CCDC77: variants seen among roughly 807,000 people sequenced by gnomAD.
CCDC77 encodes the protein coiled-coil domain containing 77.
A neutral mutation model predicts 66.8 loss-of-function variants in CCDC77; 56 were observed. The ratio of observed to expected loss-of-function variants is 0.84; its 90% CI spans 0.68 to 1.05. CCDC77 has a LOEUF of 1.05. Ranked by LOEUF, CCDC77 falls within the 50% of genes least tolerant of loss-of-function variation. CCDC77 has a pLI of 0.00. For missense variants in CCDC77, 570 were observed against 576.8 expected (o/e 0.99, Z 0.12); for synonymous variants, 196 against 195.2 (o/e 1.00, Z -0.03).
chr12:390,267 A>G (rs1460618680), intron 1 of CCDC77: 1 of 152,104 alleles, frequency 6.6e-6, no homozygotes, highest in African/African-American at 2.4e-5. Flanking sequence ...TCTCCTCTCA[A>G]ATCCCTCTCC....
intron 5 of CCDC77, among the ~76,000 whole-genome samples, chr12:427,426 A>G (rs1355658382): frequency 6.6e-6 from 1 of 150,978 alleles, no homozygotes; most frequent in Non-Finnish European, 1.5e-5. Flanking sequence ...CCATCTCCAT[A>G]TCAAGTCGCT....
intron 6 of CCDC77, among the ~76,000 whole-genome samples, chr12:430,148 C>G (rs543453248): frequency 2.4e-4 from 36 of 152,066 alleles, no homozygotes; most frequent in Non-Finnish European, 1.9e-4. Flanking sequence ...CATGTGCCAC[C>G]ACGCCTGGCT....
upstream of CCDC77, among the ~76,000 whole-genome samples, chr12:398,402 A>G (rs1423804221): frequency 6.6e-6 from 1 of 151,644 alleles, no homozygotes; most frequent in East Asian, 1.9e-4. Context: ...CCATAGTTTC[A>G]TCATGAGATT....
At chr12:416,365 GTGTGTGTGTGTGTA>G (rs1945270208) in intron 4 of CCDC77, among the ~76,000 whole-genome samples, 21 of 38,900 alleles carry the variant, frequency 5.4e-4, no homozygotes, top group South Asian at 1.1e-3. Context: ...GTGTGTGTGT[GTGTGTGTGTGTGTA>G]TATATATATA....
intron 4 of CCDC77, among the ~76,000 whole-genome samples, chr12:412,530 C>T (rs907178926): frequency 2.0e-5 from 3 of 152,156 alleles, no homozygotes; most frequent in South Asian, 2.1e-4. Flanking sequence ...TTGTCCTGTG[C>T]GTGATGGGAT....
At chr12:439,640 C>T (rs1945824379) in intron 10 of CCDC77, among the ~76,000 whole-genome samples, 1 of 151,444 alleles carries the variant, frequency 6.6e-6, no homozygotes, top group Non-Finnish European at 1.5e-5. Context: ...AATAGCCAGG[C>T]GTGGTGGCGG....
intron 1 of CCDC77, among the ~76,000 whole-genome samples, chr12:394,334 T>G (rs180690340): frequency 6.6e-6 from 1 of 152,332 alleles, no homozygotes; most frequent in African/African-American, 2.4e-5. Context: ...AGGTCCAGAT[T>G]TATCACAGTT....
At chr12:434,421 C>T (rs911722056) in intron 9 of CCDC77, among the ~76,000 whole-genome samples, 17 of 151,626 alleles carry the variant, frequency 1.1e-4, no homozygotes, top group African/African-American at 3.6e-4. Flanking sequence ...GGCGTGATCC[C>T]GGTTCCCTGC....
At chr12:400,144 T>C (rs1413522313), upstream of CCDC77, among the ~76,000 whole-genome samples, 1 of 152,250 alleles carries the variant, frequency 6.6e-6, no homozygotes, top group African/African-American at 2.4e-5. Context: ...CAGCCTCCGC[T>C]ATCTTCCACC....
Position 405,200 on chromosome 12 carries a change from A to G in CCDC77, c.-70-311A>G, listed in dbSNP as rs1376320901. On this transcript the variant is annotated intron_variant, in intron 1 of 12. Transcript: ENST00000239830. Reference sequence around the variant, plus strand: ...TGAAACAAGACAGTCACAAAAGACCATATACTATGTGATTCCATTTATAGG... The same window carrying G: ...TGAAACAAGACAGTCACAAAAGACCGTATACTATGTGATTCCATTTATAGG... Among the ~76,000 whole-genome samples, 3 of 152,364 alleles carry G rather than the reference A, an allele frequency of 2.0e-5. No individual in the cohort carries two copies. The East Asian group carries it at 5.8e-4, about 29-fold the overall frequency.
chr12:413,231 C>T (rs1419053023), intron 4 of CCDC77, among the ~76,000 whole-genome samples: 1 of 149,492 alleles, frequency 6.7e-6, no homozygotes, highest in African/African-American at 2.5e-5. Context: ...AGCAACCGTG[C>T]CCGGCCTGTT....
Position 401,663 on chromosome 12 carries a change from T to G in CCDC77, c.-92T>G, listed in dbSNP as rs1176514267. The G allele has an allele frequency of 6.6e-6, 1 of 152,352 alleles. No individual in the cohort carries two copies. The highest frequency in any genetic ancestry group is 1.5e-5 in the Non-Finnish European group (1 of 68,104). The allele number at this position is 152,352 out of a possible 1,614,324, so 9.4% of individuals were successfully genotyped here. ...ACTTTTGTTTTTCAGTTGCGTTCCC[T>G]GACTCGGAGTCTTAGTGTGTCGTGA... On this transcript the variant is annotated 5_prime_UTR_variant, in exon 1 of 13. Coordinates refer to ENST00000239830, the MANE Select transcript of CCDC77 (RefSeq NM_032358.4).
chr12:426,448 A>C (rs995532612), intron 5 of CCDC77, among the ~76,000 whole-genome samples: 1 of 152,188 alleles, frequency 6.6e-6, no homozygotes, highest in Admixed American at 6.6e-5. Flanking sequence ...TGTATGGGTC[A>C]TACTGAGGAA....
rs762921375 is a variant in CCDC77 at position 438,440 on chromosome 12, T to C, written c.927T>C (p.Asn309=). 8.7e-6 allele frequency: 14 copies of C among 1,613,782 alleles called. No homozygotes were observed. The East Asian group carries it at 2.7e-4, about 31-fold the overall frequency. ...AGTCATGGATGCTTGAAAAAGATAA[T>C]TTGATGTCAAAGATTAAGCAATATA... ...KEKSWMLEKD[N]LMSKIKQYRV... Residue 309 remains asparagine, a synonymous_variant, in exon 10 of 13, where the codon AAT becomes AAC. Transcript: ENST00000239830.
rs760061976 is a variant in CCDC77, at chr12:438,452, G to T, written c.939G>T (p.Lys313Asn). 1.2e-6 allele frequency: 2 copies of T among 1,614,008 alleles called. No individual in the cohort carries two copies. Among genetic ancestry groups the T allele is most frequent in the Admixed American group, 1.7e-5 (1 of 60,014 alleles). ...TTGAAAAAGATAATTTGATGTCAAA[G>T]ATTAAGCAATATAGGGTGCAGTGTA... ...WMLEKDNLMS[K>N]IKQYRVQCKK... The change falls in exon 10 of 13, where the codon AAG becomes AAT. Residue 313 changes from lysine (K) to asparagine (N), a missense_variant. By Grantham distance (94) the Lys-to-Asn change is moderately conservative. Coordinates refer to ENST00000239830, the MANE Select transcript of CCDC77 (RefSeq NM_032358.4).
At chr12:411,015 C>T (rs953701606) in intron 3 of CCDC77, among the ~76,000 whole-genome samples, 3 of 151,830 alleles carry the variant, frequency 2.0e-5, no homozygotes, top group East Asian at 1.9e-4. Flanking sequence ...TAGGCTCAAG[C>T]GATCCTCCCA....
intron 1 of CCDC77, among the ~76,000 whole-genome samples, chr12:389,746 C>G (rs780254376): frequency 8.5e-5 from 13 of 152,190 alleles, no homozygotes; most frequent in Non-Finnish European, 7.4e-5. Context: ...CCTCACCGCC[C>G]GTGCTTCGTA....
intron 6 of CCDC77, among the ~76,000 whole-genome samples, chr12:429,993 T>G (rs1175115295): frequency 6.6e-6 from 1 of 152,084 alleles, no homozygotes; most frequent in Non-Finnish European, 1.5e-5. Context: ...TTTATTTATA[T>G]TTATTTATTT....
chr12:419,194 C>G (rs1276050363), intron 5 of CCDC77, among the ~76,000 whole-genome samples: 1 of 152,238 alleles, frequency 6.6e-6, no homozygotes, highest in South Asian at 2.1e-4. Context: ...CTTAACCAAC[C>G]CCCATAGGGA....
Sources: gnomAD v4.1 joint callset for allele counts (sites outside exome capture counted in the v4.1 genomes callset) on GRCh38, gnomAD v4.1.1 for gene constraint, MANE v1.5 for transcripts, NCBI Gene and HGNC (gene_info 2026-07-23, HGNC 2026-07-21) for gene names.